Variants in LRATD2 observed in about 807,000 individuals in gnomAD.
The protein encoded by LRATD2 is LRAT domain containing 2.
LRATD2 carries 10 observed loss-of-function variants against 12.0 expected under a neutral mutation model. The observed-to-expected ratio is 0.83, with a 90% confidence interval of 0.51 to 1.41. LRATD2 has a LOEUF of 1.41. Ranked by LOEUF, LRATD2 falls within the 40% of genes most tolerant of loss-of-function variation. LRATD2 has a pLI of 0.00. For synonymous variants in LRATD2, 220 were observed against 205.8 expected (o/e 1.07, Z -0.59); for missense variants, 455 against 446.1 (o/e 1.02, Z -0.18).
Position 126,556,482 on chromosome 8 carries a change from T to C in LRATD2, c.908A>G (p.Glu303Gly). ...TCAGTGTGCCACTGCCTCTCCGTCC[T>C]CCTCCTCGGAGCTGGGCGCAGGGGG... is the stretch of plus-strand genomic sequence containing the variant. ...GRPPAPSSEEEDGEAVAH is the reference protein window; with the variant it reads ...GRPPAPSSEEGDGEAVAH The change falls in exon 2 of 2, where the codon GAG becomes GGG. Residue 303 changes from glutamate to glycine, a missense_variant. Coordinates refer to ENST00000304916, the MANE Select transcript of LRATD2 (RefSeq NM_174911.5). The surrounding 1 kb of genome is among the most constrained non-coding windows in gnomAD (Gnocchi z 5.6). 5 of 1,584,496 alleles carry C rather than the reference T, an allele frequency of 3.2e-6. No individual in the cohort carries two copies. In the South Asian group the frequency reaches 5.8e-5, roughly 18 times the overall value.
Position 126,552,687 on chromosome 8 carries a change from G to A in LRATD2, c.*3770C>T, listed in dbSNP as rs982543764. 2.0e-5 allele frequency: 3 copies of A among 152,420 alleles called. No individual in the cohort carries two copies. The highest frequency in any genetic ancestry group is 2.9e-5 in the Non-Finnish European group (2 of 68,004). The allele number at this position is 152,420 out of a possible 1,614,324, so 9.4% of individuals were successfully genotyped here. A position where few individuals can be genotyped will look rare whatever the true frequency, so the allele number is the denominator to read the frequency against. On this transcript the variant is annotated 3_prime_UTR_variant, in exon 2 of 2. Coordinates refer to ENST00000304916, the MANE Select transcript of LRATD2 (RefSeq NM_174911.5). ...ACATACAACCTTCAACAAAAATAAAGTTTATACAACTCACTGGGAAATAAA... is the reference window on the plus strand; with the variant it reads ...ACATACAACCTTCAACAAAAATAAAATTTATACAACTCACTGGGAAATAAA...
Position 126,555,579 on chromosome 8 carries a change from T to C in LRATD2, c.*878A>G, listed in dbSNP as rs1318417702. On this transcript the variant is annotated 3_prime_UTR_variant, in exon 2 of 2. Transcript: ENST00000304916. Reference sequence around the variant, plus strand: ...TAATTAGATCAAAGACACAAAGGGCTATTCCCTCCTTTCATAACAACGCAG... The same window carrying C: ...TAATTAGATCAAAGACACAAAGGGCCATTCCCTCCTTTCATAACAACGCAG... 1.3e-5 allele frequency: 2 copies of C among 152,694 alleles called. No homozygotes were observed. The highest frequency in any genetic ancestry group is 2.9e-5 in the Non-Finnish European group (2 of 68,090). 9.5% of individuals were successfully genotyped at this position (152,694 alleles called of 1,614,324 possible).
chr8:126,553,522 T>C lies in LRATD2; in HGVS notation c.*2935A>G, dbSNP rs1817323928. On this transcript the variant is annotated 3_prime_UTR_variant, in exon 2 of 2. Coordinates refer to ENST00000304916, the MANE Select transcript of LRATD2 (RefSeq NM_174911.5). ...CTTATTCCTAAGGAGAAACAAAAAT[T>C]ATTAAATATGTTTATTTTTTCTAAA... is the stretch of plus-strand genomic sequence containing the variant. The C allele has an allele frequency of 6.6e-6, 1 of 152,636 alleles. No individual in the cohort carries two copies. The allele number at this position is 152,636 out of a possible 1,614,324, so 9.5% of individuals were successfully genotyped here. A position where few individuals can be genotyped will look rare whatever the true frequency, so the allele number is the denominator to read the frequency against.
In LRATD2 at chr8:126,553,884, G is replaced by A. The variant is rs111974236; in HGVS notation, c.*2573C>T. On this transcript the variant is annotated 3_prime_UTR_variant, in exon 2 of 2. Coordinates refer to ENST00000304916, the MANE Select transcript of LRATD2 (RefSeq NM_174911.5). The stretch of plus-strand genomic sequence containing the variant: ...GTCACTGCTCTCTCTTAACACAGTC[G>A]CTGCTATACTTCAGCGTGACTGACC... The A allele has an allele frequency of 1.4e-4, 22 of 152,272 alleles. No individual in the cohort carries two copies. Among genetic ancestry groups the A allele is most frequent in the African/African-American group, 4.8e-4 (20 of 41,546 alleles). 9.4% of individuals were successfully genotyped at this position (152,272 alleles called of 1,614,324 possible).
In LRATD2 at chr8:126,556,856, G is replaced by A. The variant is rs776817126; in HGVS notation, c.534C>T (p.Ser178=). Residue 178 remains serine, a synonymous_variant, in exon 2 of 2, where the codon TCC becomes TCT. Transcript: ENST00000304916. This position sits in a 1 kb window ranked among gnomAD's most constrained non-coding sequence, Gnocchi z 5.6. ...NDLYRYKPLS[S]SAVVRNALAH... ...CCAGCGCGTTGCGCACCACGGCGCT[G>A]GAGCTTAGCGGCTTGTAGCGGTACA... 1.2e-6 allele frequency: 2 copies of A among 1,606,956 alleles called. No homozygotes were observed. The highest frequency in any genetic ancestry group is 1.3e-5 in the African/African-American group (1 of 74,928).
In LRATD2 at chr8:126,556,375, G is replaced by A; in HGVS notation, c.*82C>T. The A allele has an allele frequency of 4.9e-6, 7 of 1,424,624 alleles. No homozygotes were observed. Among genetic ancestry groups the A allele is most frequent in the Non-Finnish European group, 6.5e-6 (7 of 1,075,866 alleles). 88.2% of individuals were successfully genotyped at this position (1,424,624 alleles called of 1,614,324 possible). A position where few individuals can be genotyped will look rare whatever the true frequency, so the allele number is the denominator to read the frequency against. ...AGATGGGGCCCAGACAGTGGCAAAA[G>A]AGGGAGGAAGAGAGGGAGAAAGGGA... is the stretch of plus-strand genomic sequence containing the variant. On this transcript the variant is annotated 3_prime_UTR_variant, in exon 2 of 2. Coordinates refer to ENST00000304916, the MANE Select transcript of LRATD2 (RefSeq NM_174911.5). The surrounding 1 kb of genome is among the most constrained non-coding windows in gnomAD (Gnocchi z 5.6).
chr8:126,554,319 T>C lies in LRATD2; in HGVS notation c.*2138A>G, dbSNP rs1420294521. On this transcript the variant is annotated 3_prime_UTR_variant, in exon 2 of 2. Transcript: ENST00000304916. ...ACTGTGCCCGGCCTACCTTCTATTT[T>C]CACTACTGTGTTAAGCATGAAAGAA... 1 of 152,294 alleles carries C rather than the reference T, an allele frequency of 6.6e-6. No homozygotes were observed. The highest frequency in any genetic ancestry group is 1.5e-5 in the Non-Finnish European group (1 of 68,072). The allele number at this position is 152,294 out of a possible 1,614,324, so 9.4% of individuals were successfully genotyped here.
chr8:126,556,456 A>G lies in LRATD2; in HGVS notation c.*1T>C. 1 of 1,564,120 alleles carries G rather than the reference A, an allele frequency of 6.4e-7. No homozygotes were observed. Among genetic ancestry groups the G allele is most frequent in the Non-Finnish European group, 8.6e-7 (1 of 1,160,518 alleles). ...TCGCAGCTCTGCGCTCAGCTCGCCCATCAGTGTGCCACTGCCTCTCCGTCC... is the reference window on the plus strand; with the variant it reads ...TCGCAGCTCTGCGCTCAGCTCGCCCGTCAGTGTGCCACTGCCTCTCCGTCC... On this transcript the variant is annotated 3_prime_UTR_variant, in exon 2 of 2. Transcript: ENST00000304916. The surrounding 1 kb of genome is among the most constrained non-coding windows in gnomAD (Gnocchi z 5.6).
Position 126,557,501 on chromosome 8 carries a change from G to A in LRATD2, c.-96-16C>T, listed in dbSNP as rs899808231. The stretch of plus-strand genomic sequence containing the variant: ...CTGAGGCTACCTGTTGGGAGAGGAA[G>A]GCAAGAAAGCCATGCAGGAGCCCCT... On this transcript the variant is annotated splice_polypyrimidine_tract_variant and intron_variant, in intron 1 of 1. Coordinates refer to ENST00000304916, the MANE Select transcript of LRATD2 (RefSeq NM_174911.5). The surrounding 1 kb of genome is among the most constrained non-coding windows in gnomAD (Gnocchi z 5.3). 2.8e-5 allele frequency: 34 copies of A among 1,227,614 alleles called. No homozygotes were observed. The highest frequency in any genetic ancestry group is 2.3e-4 in the African/African-American group (15 of 64,770). The allele number at this position is 1,227,614 out of a possible 1,614,324, so 76.0% of individuals were successfully genotyped here.
At position 126,558,430 on chromosome 8, in the gene LRATD2, T is replaced by TCCGGGCTC. The variant is rs1358602366; in HGVS notation, c.-501_-494dup. Reference sequence around the variant, plus strand: ...GGAGGGACGGGATTGTAGATCCGGCTCCGGGCTCCCGGGCGGGAGCGCAGC... The same window carrying TCCGGGCTC: ...GGAGGGACGGGATTGTAGATCCGGCTCCGGGCTCCCGGGCTCCCGGGCGGGAGCGCAGC... On this transcript the variant is annotated 5_prime_UTR_variant, in exon 1 of 2. The change abolishes the stop of an existing upstream ORF in the 5' untranslated region. Transcript: ENST00000304916. 1.3e-5 allele frequency: 2 copies of TCCGGGCTC among 152,046 alleles called. No individual in the cohort carries two copies. The highest frequency in any genetic ancestry group is 2.9e-5 in the Non-Finnish European group (2 of 68,006). 9.4% of individuals were successfully genotyped at this position (152,046 alleles called of 1,614,324 possible). A position where few individuals can be genotyped will look rare whatever the true frequency, so the allele number is the denominator to read the frequency against.
rs912538552 is a variant in LRATD2 at position 126,557,979 on chromosome 8, C to G, written c.-97+55G>C. On this transcript the variant is annotated intron_variant, in intron 1 of 1. Transcript: ENST00000304916. The surrounding 1 kb of genome is among the most constrained non-coding windows in gnomAD (Gnocchi z 5.3). ...CCTGCAGCGCTACCTCCTCCCGGCT[C>G]GCCCGCCCTTCCCCCGCGCCCGCCC... 6.5e-6 allele frequency: 1 copy of G among 152,738 alleles called. No individual in the cohort carries two copies. Among genetic ancestry groups the G allele is most frequent in the Admixed American group, 6.5e-5 (1 of 15,278 alleles). 9.5% of individuals were successfully genotyped at this position (152,738 alleles called of 1,614,324 possible).
rs1817301380 is a variant in LRATD2, at chr8:126,552,535, A to G, written c.*3922T>C. 1.3e-5 allele frequency: 2 copies of G among 152,660 alleles called. 1 individual carries two copies. The highest frequency in any genetic ancestry group is 1.3e-4 in the Admixed American group (2 of 15,284). The allele number at this position is 152,660 out of a possible 1,614,324, so 9.5% of individuals were successfully genotyped here. ...TTTTAATAAGACATAGTGAAGAGGA[A>G]ATGGCTTAAAAGATATCATCAATCT... On this transcript the variant is annotated 3_prime_UTR_variant, in exon 2 of 2. Coordinates refer to ENST00000304916, the MANE Select transcript of LRATD2 (RefSeq NM_174911.5).
In LRATD2 at chr8:126,556,396, A is replaced by C; in HGVS notation, c.*61T>G. The C allele has an allele frequency of 6.8e-7, 1 of 1,469,076 alleles. No homozygotes were observed. The highest frequency in any genetic ancestry group is 9.0e-7 in the Non-Finnish European group (1 of 1,107,232). 91.0% of individuals were successfully genotyped at this position (1,469,076 alleles called of 1,614,324 possible). ...AAAAGAGGGAGGAAGAGAGGGAGAA[A>C]GGGAGCAGCGGCTGCTACTGCAAAC... On this transcript the variant is annotated 3_prime_UTR_variant, in exon 2 of 2. Coordinates refer to ENST00000304916, the MANE Select transcript of LRATD2 (RefSeq NM_174911.5). The surrounding 1 kb of genome is among the most constrained non-coding windows in gnomAD (Gnocchi z 5.6).
rs1214077121 is a variant in LRATD2, at chr8:126,556,541, G to T, written c.849C>A (p.Ser283Arg). 20 of 1,603,470 alleles carry T rather than the reference G, an allele frequency of 1.2e-5. No homozygotes were observed. The highest frequency in any genetic ancestry group is 1.7e-5 in the Non-Finnish European group (20 of 1,176,056). ...LHPAEPEEGD[S>R]NVARTTPPPG... ...GAGGCGGCGTAGTCCGCGCCACGTT[G>T]CTGTCGCCCTCCTCCGGCTCCGCCG... The change falls in exon 2 of 2, where the codon AGC (serine) becomes AGA (arginine). Residue 283 changes from serine (S) to arginine (R), a missense_variant. Coordinates refer to ENST00000304916, the MANE Select transcript of LRATD2 (RefSeq NM_174911.5). This position sits in a 1 kb window ranked among gnomAD's most constrained non-coding sequence, Gnocchi z 5.6.
rs1817336346 is a variant in LRATD2, at chr8:126,554,161, A to C, written c.*2296T>G. On this transcript the variant is annotated 3_prime_UTR_variant, in exon 2 of 2. Coordinates refer to ENST00000304916, the MANE Select transcript of LRATD2 (RefSeq NM_174911.5). ...GCAGGCATTACAGGCGCCTGCCACC[A>C]CGCCCAGCTAATTTTCTGTATTTGT... The C allele has an allele frequency of 1.3e-5, 2 of 152,212 alleles. No homozygotes were observed. Among genetic ancestry groups the C allele is most frequent in the Admixed American group, 1.3e-4 (2 of 15,280 alleles). The allele number at this position is 152,212 out of a possible 1,614,324, so 9.4% of individuals were successfully genotyped here.
Position 126,557,316 on chromosome 8 carries a change from T to A in LRATD2, c.74A>T (p.Asp25Val), listed in dbSNP as rs1176856652. The change falls in exon 2 of 2, where the codon GAC (aspartate) becomes GTC (valine). Residue 25 changes from aspartate (D) to valine (V), a missense_variant. Physicochemically the swap from Asp to Val is radical, Grantham distance 152 (BLOSUM62 -3). Coordinates refer to ENST00000304916, the MANE Select transcript of LRATD2 (RefSeq NM_174911.5). This position sits in a 1 kb window ranked among gnomAD's most constrained non-coding sequence, Gnocchi z 5.3. ...CCCAATGCGGGGCCCGTCGTCCCGGTCCACGCCAGTCGGGTCGGCCGTGGG... is the reference window on the plus strand; with the variant it reads ...CCCAATGCGGGGCCCGTCGTCCCGGACCACGCCAGTCGGGTCGGCCGTGGG... The part of the protein sequence containing the change: ...EVPTADPTGV[D>V]RDDGPRIGVS... 6.2e-7 allele frequency: 1 copy of A among 1,613,840 alleles called. No individual in the cohort carries two copies. Among genetic ancestry groups the A allele is most frequent in the Admixed American group, 1.7e-5 (1 of 60,006 alleles).
Position 126,556,242 on chromosome 8 carries a change from C to A in LRATD2, c.*215G>T. On this transcript the variant is annotated 3_prime_UTR_variant, in exon 2 of 2. Coordinates refer to ENST00000304916, the MANE Select transcript of LRATD2 (RefSeq NM_174911.5). This position sits in a 1 kb window ranked among gnomAD's most constrained non-coding sequence, Gnocchi z 5.6. The stretch of plus-strand genomic sequence containing the variant: ...GGGGGCCAGAGGGAGACGCCCCCCA[C>A]CCCCAACTAAAGTGTTTCCTACCTG... 1 of 551,488 alleles carries A rather than the reference C, an allele frequency of 1.8e-6. No homozygotes were observed. The highest frequency in any genetic ancestry group is 3.0e-5 in the South Asian group (1 of 33,724). The allele number at this position is 551,488 out of a possible 1,614,324, so 34.2% of individuals were successfully genotyped here. A position where few individuals can be genotyped will look rare whatever the true frequency, so the allele number is the denominator to read the frequency against.
Position 126,558,360 on chromosome 8 carries a change from G to A in LRATD2, c.-423C>T, listed in dbSNP as rs2130497326. 6.6e-6 allele frequency: 1 copy of A among 152,360 alleles called. No individual in the cohort carries two copies. Among genetic ancestry groups the A allele is most frequent in the Middle Eastern group, 3.4e-3 (1 of 294 alleles). The allele number at this position is 152,360 out of a possible 1,614,324, so 9.4% of individuals were successfully genotyped here. A position where few individuals can be genotyped will look rare whatever the true frequency, so the allele number is the denominator to read the frequency against. On this transcript the variant is annotated 5_prime_UTR_variant, in exon 1 of 2. Transcript: ENST00000304916. ...AGGACGGCAGCCTCGCAGCCTGGCG[G>A]CAACAGCTCCCGCTTGGGCCGGGCG...
In LRATD2 at chr8:126,553,824, C is replaced by T. The variant is rs1310720914; in HGVS notation, c.*2633G>A. The T allele has an allele frequency of 2.6e-5, 4 of 152,198 alleles. No individual in the cohort carries two copies. The highest frequency in any genetic ancestry group is 1.3e-4 in the Admixed American group (2 of 15,284). The allele number at this position is 152,198 out of a possible 1,614,324, so 9.4% of individuals were successfully genotyped here. A position where few individuals can be genotyped will look rare whatever the true frequency, so the allele number is the denominator to read the frequency against. The stretch of plus-strand genomic sequence containing the variant: ...TTTCCTATTCTAGTTCATTTCCAAG[C>T]CCTGTTATTGAAAACCTCTTCTCTA... On this transcript the variant is annotated 3_prime_UTR_variant, in exon 2 of 2. Coordinates refer to ENST00000304916, the MANE Select transcript of LRATD2 (RefSeq NM_174911.5).
Sources: allele counts gnomAD v4.1 joint callset, GRCh38; gene constraint gnomAD v4.1.1; non-coding constraint Gnocchi (gnomAD v3.1); transcripts MANE v1.5; gene names NCBI Gene and HGNC (gene_info 2026-07-23, HGNC 2026-07-21).